Variants in RPH3A observed in about 807,000 individuals in gnomAD.
RPH3A encodes rabphilin 3A, also known as rabphilin-3A.
A neutral mutation model predicts 102.2 loss-of-function variants in RPH3A; 48 were observed. That is an observed-to-expected ratio of 0.47 (90% CI 0.37 to 0.60). The LOEUF (loss-of-function observed/expected upper bound fraction) is 0.60. Ranked by LOEUF, RPH3A falls within the 20% of genes least tolerant of loss-of-function variation. The pLI, the probability that RPH3A is intolerant of heterozygous loss-of-function variation, is 0.00. For synonymous variants in RPH3A, 310 were observed against 324.3 expected (o/e 0.96, Z 0.47); for missense variants, 781 against 910.1 (o/e 0.86, Z 1.83).
intron 1 of RPH3A, among the ~76,000 whole-genome samples, chr12:112,754,946 C>T (rs1383438114): frequency 2.0e-5 from 3 of 152,190 alleles, no homozygotes; most frequent in Non-Finnish European, 1.5e-5. Context: ...TTAAAAGCTT[C>T]CCAGGTGGTT....
chr12:112,688,014 T>C (rs955598594), intron 1 of RPH3A, among the ~76,000 whole-genome samples: 1 of 152,232 alleles, frequency 6.6e-6, no homozygotes, highest in African/African-American at 2.4e-5. Context: ...TAACATTCCC[T>C]AAAGTCTTAT....
At chr12:112,658,808 G>A (rs2040030813) in intron 1 of RPH3A, among the ~76,000 whole-genome samples, 1 of 152,184 alleles carries the variant, frequency 6.6e-6, no homozygotes, top group Non-Finnish European at 1.5e-5. Context: ...TTGTTGATAG[G>A]TAATGGTTCC....
chr12:112,735,897 T>C (rs1457821812), intron 1 of RPH3A, among the ~76,000 whole-genome samples: 1 of 152,208 alleles, frequency 6.6e-6, no homozygotes, highest in Non-Finnish European at 1.5e-5. Flanking sequence ...TTATTACTCA[T>C]GCTACACGAT....
intron 2 of RPH3A, among the ~76,000 whole-genome samples, chr12:112,818,169 G>A (rs561851204): frequency 1.3e-5 from 2 of 152,100 alleles, no homozygotes; most frequent in Non-Finnish European, 2.9e-5. Context: ...GCACAGTGGT[G>A]AGCGCCTGTA....
At chr12:112,727,247 G>T (rs2040597038) in intron 1 of RPH3A, among the ~76,000 whole-genome samples, 2 of 149,978 alleles carry the variant, frequency 1.3e-5, no homozygotes, top group African/African-American at 4.9e-5. Context: ...CACGTGCTGG[G>T]ATTACAGGTG....
chr12:112,662,446 A>G (rs2040055022), intron 1 of RPH3A, among the ~76,000 whole-genome samples: 1 of 152,186 alleles, frequency 6.6e-6, no homozygotes, highest in African/African-American at 2.4e-5. Context: ...AGGAACCCAA[A>G]GCTCAGAGAG....
intron 3 of RPH3A, among the ~76,000 whole-genome samples, chr12:112,833,323 G>A (rs980880184): frequency 1.3e-5 from 2 of 152,138 alleles, no homozygotes; most frequent in Non-Finnish European, 2.9e-5. Flanking sequence ...CCTCCATGGG[G>A]CTCTTTCCCC....
At chr12:112,866,150 T>C (rs111803568) in intron 6 of RPH3A, among the ~76,000 whole-genome samples, 3,260 of 152,294 alleles carry the variant, frequency 0.021, 138 homozygotes, top group African/African-American at 0.074. Flanking sequence ...TGGAGACATC[T>C]ACAATGTCAT....
chr12:112,717,697 G>T (rs1478048891), intron 1 of RPH3A, among the ~76,000 whole-genome samples: 2 of 148,616 alleles, frequency 1.3e-5, no homozygotes. Context: ...AAACATTTGT[G>T]TACTGGTTTT....
intron 1 of RPH3A, among the ~76,000 whole-genome samples, chr12:112,694,834 T>C (rs141393780): frequency 8.3e-4 from 127 of 152,294 alleles, no homozygotes; most frequent in African/African-American, 2.8e-3. Context: ...TGCCAACCCA[T>C]AGGGCTCTAG....
intron 1 of RPH3A, among the ~76,000 whole-genome samples, chr12:112,741,576 A>G (rs1218172331): frequency 6.6e-6 from 1 of 152,180 alleles, no homozygotes; most frequent in East Asian, 1.9e-4. Context: ...CATCAAAGAC[A>G]GTGGAAGGGG....
chr12:112,614,808 G>A (rs1361070310), intron 1 of RPH3A, among the ~76,000 whole-genome samples: 1 of 151,482 alleles, frequency 6.6e-6, no homozygotes, highest in East Asian at 1.9e-4. Context: ...CTTTAGAGTT[G>A]GAGTCTTGCT....
At chr12:112,602,868 C>G (rs1373028443) in intron 1 of RPH3A, among the ~76,000 whole-genome samples, 3 of 151,958 alleles carry the variant, frequency 2.0e-5, no homozygotes, top group African/African-American at 4.8e-5. Flanking sequence ...AGGTTCATGG[C>G]TGGGGCTCCT....
intron 1 of RPH3A, among the ~76,000 whole-genome samples, chr12:112,727,520 A>G (rs1268935914): frequency 1.0e-4 from 13 of 124,056 alleles, no homozygotes; most frequent in African/African-American, 3.9e-4. Flanking sequence ...ACATATATAT[A>G]TATAGGCATT....
chr12:112,748,396 C>T (rs759578907), intron 1 of RPH3A, among the ~76,000 whole-genome samples: 8 of 152,158 alleles, frequency 5.3e-5, no homozygotes, highest in Admixed American at 3.9e-4. Context: ...TGCAATGTTG[C>T]AATCATAGCT....
chr12:112,603,374 T>C (rs2039571790), intron 1 of RPH3A, among the ~76,000 whole-genome samples: 1 of 152,124 alleles, frequency 6.6e-6, no homozygotes, highest in South Asian at 2.1e-4. Context: ...AAGAAAGAAT[T>C]CTGGGTGAGT....
At chr12:112,818,356 G>A (rs539440087) in intron 2 of RPH3A, among the ~76,000 whole-genome samples, 1 of 150,982 alleles carries the variant, frequency 6.6e-6, no homozygotes, top group Non-Finnish European at 1.5e-5. Context: ...GGACATATTG[G>A]TCCATAGTAG....
intron 1 of RPH3A, among the ~76,000 whole-genome samples, chr12:112,583,815 T>C (rs770092118): frequency 6.6e-5 from 10 of 152,126 alleles, no homozygotes; most frequent in African/African-American, 9.7e-5. Flanking sequence ...TGAAACCCCA[T>C]CTTTACTAAA....
chr12:112,704,291 T>A (rs913940650), intron 1 of RPH3A, among the ~76,000 whole-genome samples: 1 of 152,124 alleles, frequency 6.6e-6, no homozygotes. Flanking sequence ...GGTTTCACCA[T>A]GTTGGGCAGG....
Sources: allele counts gnomAD v4.1 joint callset (sites outside exome capture counted in the v4.1 genomes callset), GRCh38; gene constraint gnomAD v4.1.1; transcripts MANE v1.5; gene names NCBI Gene and HGNC (gene_info 2026-07-23, HGNC 2026-07-21).